Variants in RANBP2 observed in about 807,000 individuals in gnomAD.
The protein encoded by RANBP2 is RAN binding protein 2, also known as E3 SUMO-protein ligase RanBP2.
In RANBP2, 57 loss-of-function variants were observed where a neutral mutation model predicts 303.6. That is an observed-to-expected ratio of 0.19 (90% CI 0.15 to 0.23). The LOEUF is 0.23. Ranked by LOEUF, RANBP2 falls within the 10% of genes least tolerant of loss-of-function variation. The pLI, the probability that RANBP2 is intolerant of heterozygous loss-of-function variation, is 1.00. For missense variants in RANBP2, 3,138 were observed against 3,780.8 expected, an observed-to-expected ratio of 0.83 and a Z score of 4.46; for synonymous variants, 1,167 against 1,301.5, an observed-to-expected ratio of 0.90 and a Z score of 2.23.
the RANBP2 span, among the ~76,000 whole-genome samples, chr2:109,093,999 G>A: frequency 6.6e-6 from 1 of 152,328 alleles, no homozygotes; most frequent in South Asian, 2.1e-4. Context: ...TGACAGTTTT[G>A]ACTTTTGTGG....
chr2:109,304,226 A>T, the RANBP2 span, among the ~76,000 whole-genome samples: 1 of 152,168 alleles, frequency 6.6e-6, no homozygotes, highest in Non-Finnish European at 1.5e-5. Context: ...ACTAAACTAT[A>T]GTCTTGGACC....
At chr2:109,161,369 T>G in the RANBP2 span, among the ~76,000 whole-genome samples, 2 of 152,034 alleles carry the variant, frequency 1.3e-5, no homozygotes, top group Non-Finnish European at 2.9e-5. Context: ...GCTGGGTGAC[T>G]CCAGGAAGAG....
the RANBP2 span, among the ~76,000 whole-genome samples, chr2:109,403,439 G>A: frequency 6.6e-6 from 1 of 152,240 alleles, no homozygotes; most frequent in Admixed American, 6.5e-5. Context: ...GGCCCCAGGG[G>A]TAGTGGTGAC....
the RANBP2 span, among the ~76,000 whole-genome samples, chr2:109,699,854 C>T: frequency 5.3e-5 from 8 of 152,174 alleles, no homozygotes; most frequent in Non-Finnish European, 5.9e-5. Context: ...GCTTCTCGCC[C>T]TGTGCTGCAG....
chr2:109,257,618 A>C, the RANBP2 span, among the ~76,000 whole-genome samples: 3 of 152,062 alleles, frequency 2.0e-5, no homozygotes, highest in African/African-American at 7.2e-5. Flanking sequence ...TCTGCCTGCC[A>C]CCCATCCCAT....
At chr2:109,129,708 G>T in the RANBP2 span, 3 of 1,536,404 alleles carry the variant, frequency 2.0e-6, no homozygotes, top group African/African-American at 1.4e-5. Context: ...ACCTGCTGGA[G>T]TGCTCCGTGT....
chr2:108,838,866 T>A, the RANBP2 span, among the ~76,000 whole-genome samples: 2 of 152,104 alleles, frequency 1.3e-5, no homozygotes, highest in Admixed American at 6.6e-5. Flanking sequence ...TAAATATAAA[T>A]CTAGGTTATC....
At chr2:108,896,973 C>T in the RANBP2 span, 1 of 1,613,828 alleles carries the variant, frequency 6.2e-7, no homozygotes, top group Non-Finnish European at 8.5e-7. Flanking sequence ...TGTCTGCACA[C>T]AAGGACTCCA....
chr2:108,859,437 A>G, the RANBP2 span, among the ~76,000 whole-genome samples: 1 of 151,964 alleles, frequency 6.6e-6, no homozygotes, highest in Non-Finnish European at 1.5e-5. Flanking sequence ...TTTTTATTGC[A>G]TTTGCTTTTG....
At chr2:109,432,358 C>T in the RANBP2 span, 1 of 1,075,788 alleles carries the variant, frequency 9.3e-7, no homozygotes, top group African/African-American at 1.6e-5. Flanking sequence ...TGTGAGGCCT[C>T]TGTAAACTGC....
At chr2:109,509,864 T>C in the RANBP2 span, among the ~76,000 whole-genome samples, 25 of 152,266 alleles carry the variant, frequency 1.6e-4, no homozygotes, top group Middle Eastern at 3.4e-3. Flanking sequence ...CCTGTGCTCA[T>C]GGAGACCAGG....
At chr2:109,443,135 C>T in the RANBP2 span, among the ~76,000 whole-genome samples, 1 of 152,206 alleles carries the variant, frequency 6.6e-6, no homozygotes, top group Non-Finnish European at 1.5e-5. Context: ...GTGTGGCATG[C>T]GTGCATGGGT....
chr2:108,949,701 A>T, the RANBP2 span, among the ~76,000 whole-genome samples: 3 of 152,178 alleles, frequency 2.0e-5, no homozygotes, highest in Non-Finnish European at 4.4e-5. Flanking sequence ...CAGAGAGGCC[A>T]CTGAACCCCA....
At chr2:109,574,465 A>AAT in the RANBP2 span, 1 of 617,172 alleles carries the variant, frequency 1.6e-6, no homozygotes, top group Non-Finnish European at 2.3e-6. Context: ...AAAAAAAAAA[A>AAT]ATTTAAAAAA....
chr2:109,176,266 A>G, the RANBP2 span, among the ~76,000 whole-genome samples: 1 of 152,242 alleles, frequency 6.6e-6, no homozygotes, highest in Non-Finnish European at 1.5e-5. Flanking sequence ...AATAAAATAG[A>G]AAAGGGTACA....
the RANBP2 span, among the ~76,000 whole-genome samples, chr2:109,338,523 A>G: frequency 1.3e-5 from 2 of 152,040 alleles, no homozygotes; most frequent in African/African-American, 2.4e-5. Flanking sequence ...AGTTAGGGCA[A>G]CAACCCCCGG....
the RANBP2 span, among the ~76,000 whole-genome samples, chr2:109,456,311 G>A: frequency 1.3e-5 from 2 of 152,346 alleles, no homozygotes; most frequent in African/African-American, 4.8e-5. Flanking sequence ...CCTATTGTCA[G>A]GCTGCCTTCC....
the RANBP2 span, among the ~76,000 whole-genome samples, chr2:109,703,314 G>A: frequency 6.6e-6 from 1 of 152,142 alleles, no homozygotes; most frequent in African/African-American, 2.4e-5. Flanking sequence ...GCTGTGTTGT[G>A]CAACTCTAAT....
chr2:108,792,535 C>T, the RANBP2 span, among the ~76,000 whole-genome samples: 3 of 152,168 alleles, frequency 2.0e-5, no homozygotes, highest in African/African-American at 7.2e-5. Flanking sequence ...TTAAGAAATG[C>T]TCGGGCCAGG....
Sources: allele counts gnomAD v4.1 joint callset (sites outside exome capture counted in the v4.1 genomes callset), GRCh38; gene constraint gnomAD v4.1.1; transcripts MANE v1.5; gene names NCBI Gene and HGNC (gene_info 2026-07-23, HGNC 2026-07-21).